The following PCDH15 variants were observed in gnomAD, a reference collection of about 807,000 sequenced individuals.
The protein encoded by PCDH15 is protocadherin-15.
A neutral mutation model predicts 178.5 loss-of-function variants in PCDH15; 129 were observed. The observed-to-expected ratio is 0.72, with a 90% confidence interval of 0.63 to 0.84. The LOEUF is 0.84. PCDH15 is among the 40% of genes least tolerant of loss of function. PCDH15 has a pLI of 0.00. For synonymous variants in PCDH15, 800 were observed against 732.0 expected (o/e 1.09, Z -1.50); for missense variants, 2,230 against 2,099.9 (o/e 1.06, Z -1.21).
intron 2 of PCDH15, among the ~76,000 whole-genome samples, chr10:55,472,336 T>C (rs1433707892): frequency 6.6e-6 from 1 of 152,198 alleles, no homozygotes; most frequent in Non-Finnish European, 1.5e-5. Context: ...ATGTTGAGAA[T>C]AATAAGTTTT....
chr10:54,868,568 A>AT (rs1312041215), intron 3 of PCDH15, among the ~76,000 whole-genome samples: 1 of 151,824 alleles, frequency 6.6e-6, no homozygotes, highest in African/African-American at 2.4e-5. Context: ...CTTTAATCCC[A>AT]TTTTCATCCC....
chr10:54,981,330 C>A (rs1299247401), intron 2 of PCDH15, among the ~76,000 whole-genome samples: 1 of 152,158 alleles, frequency 6.6e-6, no homozygotes, highest in Non-Finnish European at 1.5e-5. Context: ...TATCATGAGT[C>A]TAAATCCCTA....
At chr10:54,868,028 ATTAT>A (rs1257732590) in intron 3 of PCDH15, among the ~76,000 whole-genome samples, 1 of 152,196 alleles carries the variant, frequency 6.6e-6, no homozygotes, top group Non-Finnish European at 1.5e-5. Context: ...GCTTGTCTTA[ATTAT>A]TTCACAATGT....
chr10:54,963,724 C>A (rs1469241303), intron 2 of PCDH15, among the ~76,000 whole-genome samples: 2 of 152,138 alleles, frequency 1.3e-5, no homozygotes, highest in African/African-American at 4.8e-5. Context: ...TTCAATTTTC[C>A]TATACAGACC....
intron 3 of PCDH15, among the ~76,000 whole-genome samples, chr10:54,421,422 C>A (rs200362419): frequency 1.3e-5 from 2 of 149,940 alleles, no homozygotes; most frequent in East Asian, 3.9e-4. Flanking sequence ...TATCATTGAA[C>A]CATTAGTGTA....
At chr10:54,946,137 A>G (rs1300710595) in intron 2 of PCDH15, among the ~76,000 whole-genome samples, 1 of 151,830 alleles carries the variant, frequency 6.6e-6, no homozygotes, top group Non-Finnish European at 1.5e-5. Flanking sequence ...TCTGTTGTAT[A>G]ATTTTAATGA....
At chr10:54,918,148 A>G (rs983898245) in intron 2 of PCDH15, among the ~76,000 whole-genome samples, 7 of 152,012 alleles carry the variant, frequency 4.6e-5, no homozygotes, top group Admixed American at 1.3e-4. Flanking sequence ...TAAGGCCTTT[A>G]TTTTGAGAAA....
chr10:55,590,468 T>C (rs1279703433), intron 2 of PCDH15, among the ~76,000 whole-genome samples: 2 of 151,904 alleles, frequency 1.3e-5, no homozygotes, highest in Non-Finnish European at 2.9e-5. Context: ...ATAATAGTAA[T>C]AAAATAAAAT....
chr10:55,626,354 A>C (rs1403627499), intron 2 of PCDH15, among the ~76,000 whole-genome samples: 1 of 152,138 alleles, frequency 6.6e-6, no homozygotes, highest in Non-Finnish European at 1.5e-5. Context: ...AATCTACAGC[A>C]CGCATGTGTG....
rs147322242 is a variant in PCDH15, at chr10:55,427,276, C to T, written c.-156+200349G>A. Among the ~76,000 whole-genome samples the T allele has an allele frequency of 1.3e-3, 198 of 152,162 alleles. 3 individuals carry two copies. The highest frequency in any genetic ancestry group is 4.7e-3 in the African/African-American group (197 of 41,526). On this transcript the variant is annotated intron_variant, in intron 2 of 5. Transcript: ENST00000613346. ...TTATAAGACTCTCAACCAAAGTAAC[C>T]TAAGGTACCTGCAACACTACCATAC... is the stretch of plus-strand genomic sequence containing the variant.
chr10:53,857,091 CT>C, intron 28 of PCDH15, 83 bp downstream of exon 28: 7 of 1,018,068 alleles, frequency 6.9e-6, no homozygotes, highest in Non-Finnish European at 1.0e-5. Context: ...CATGTATCCC[CT>C]GAATCTAAAA....
At chr10:54,913,564 T>C (rs1954854166) in intron 2 of PCDH15, among the ~76,000 whole-genome samples, 1 of 152,298 alleles carries the variant, frequency 6.6e-6, no homozygotes, top group East Asian at 1.9e-4. Flanking sequence ...AGAGTTCACA[T>C]TGGTGCACTG....
chr10:55,048,492 TC>T (rs1841070880), intron 2 of PCDH15, among the ~76,000 whole-genome samples: 1 of 151,944 alleles, frequency 6.6e-6, no homozygotes, highest in Non-Finnish European at 1.5e-5. Context: ...GTTATGCCTC[TC>T]ATAGCATTAA....
At chr10:55,128,624 TCTC>T (rs1197711513) in intron 2 of PCDH15, among the ~76,000 whole-genome samples, 10 of 152,014 alleles carry the variant, frequency 6.6e-5, no homozygotes, top group South Asian at 6.2e-4. Context: ...GGAGGGCAAA[TCTC>T]CTGACTGTCA....
chr10:54,792,005 C>T (rs72796541), intron 1 of PCDH15, among the ~76,000 whole-genome samples: 15,962 of 151,716 alleles, frequency 0.11, 1,111 homozygotes, highest in Non-Finnish European at 0.16. Flanking sequence ...TAGAATGACC[C>T]TGAGAAGTAG....
At chr10:54,527,563 T>C (rs2083473241) in intron 3 of PCDH15, among the ~76,000 whole-genome samples, 1 of 152,142 alleles carries the variant, frequency 6.6e-6, no homozygotes, top group African/African-American at 2.4e-5. Flanking sequence ...GAGATGACTC[T>C]GAATCAAATA....
intron 2 of PCDH15, among the ~76,000 whole-genome samples, chr10:55,527,603 A>G (rs1033950110): frequency 5.3e-5 from 8 of 151,984 alleles, no homozygotes; most frequent in African/African-American, 1.9e-4. Flanking sequence ...TCAACCAATA[A>G]TAATATGAAA....
intron 2 of PCDH15, among the ~76,000 whole-genome samples, chr10:55,558,271 C>T (rs1199978029): frequency 1.3e-5 from 2 of 152,136 alleles, no homozygotes; most frequent in Non-Finnish European, 2.9e-5. Context: ...TTGAGAGGAT[C>T]AATCACTTTC....
intron 2 of PCDH15, among the ~76,000 whole-genome samples, chr10:55,477,417 G>A: frequency 6.6e-6 from 1 of 151,884 alleles, no homozygotes; most frequent in Non-Finnish European, 1.5e-5. Context: ...TTGTGAATCA[G>A]AAGTCAAAAG....
Sources: allele counts gnomAD v4.1 joint callset (sites outside exome capture counted in the v4.1 genomes callset), GRCh38; gene constraint gnomAD v4.1.1; transcripts MANE v1.5; gene names NCBI Gene and HGNC (gene_info 2026-07-23, HGNC 2026-07-21).